TPRG1: variants seen among roughly 807,000 people sequenced by gnomAD.
TPRG1 encodes tumor protein p63-regulated gene 1 protein.
A neutral mutation model predicts 29.3 loss-of-function variants in TPRG1; 29 were observed. The ratio of observed to expected loss-of-function variants is 0.99; its 90% CI spans 0.74 to 1.35. TPRG1 has a LOEUF of 1.35. Among genes scored for constraint, TPRG1 ranks in the 40% most tolerant of loss-of-function variants. The pLI is 0.00. For missense variants in TPRG1, 327 were observed against 335.0 expected (o/e 0.98, Z 0.19); for synonymous variants, 130 against 116.8 (o/e 1.11, Z -0.73).
chr3:189,309,332 T>G (rs1387472033), intron 4 of TPRG1, among the ~76,000 whole-genome samples: 1 of 152,180 alleles, frequency 6.6e-6, no homozygotes, highest in Non-Finnish European at 1.5e-5. Context: ...CCCGAAGGAA[T>G]CCTTCCTTAA....
chr3:189,154,123 G>C (rs1349388849), intron 5 of TPRG1, among the ~76,000 whole-genome samples: 1 of 152,146 alleles, frequency 6.6e-6, no homozygotes, highest in Non-Finnish European at 1.5e-5. Context: ...TTGGATGGAA[G>C]GAAGGCATTG....
At chr3:189,281,460 A>T (rs1717112199) in intron 4 of TPRG1, among the ~76,000 whole-genome samples, 1 of 152,226 alleles carries the variant, frequency 6.6e-6, no homozygotes, top group South Asian at 2.1e-4. Flanking sequence ...AGCAAAACAG[A>T]AAGATGAAAA....
At chr3:189,062,176 T>C (rs1224016484) in intron 4 of TPRG1, among the ~76,000 whole-genome samples, 2 of 152,142 alleles carry the variant, frequency 1.3e-5, no homozygotes, top group Non-Finnish European at 2.9e-5. Flanking sequence ...CTTAGCAAAC[T>C]AATGCAGGAA....
chr3:189,150,006 G>C (rs953983381), intron 4 of TPRG1, among the ~76,000 whole-genome samples: 4 of 152,310 alleles, frequency 2.6e-5, no homozygotes, highest in Admixed American at 2.0e-4. Context: ...ACACTGACCA[G>C]TGTCCTTTGA....
intron 4 of TPRG1, among the ~76,000 whole-genome samples, chr3:189,309,066 C>CTT (rs58250420): frequency 5.5e-5 from 5 of 90,782 alleles, no homozygotes; most frequent in South Asian, 3.0e-4. Context: ...TTCCTATATA[C>CTT]TTTTTTTTTT....
chr3:189,186,983 G>GTT (rs1204112529), intron 1 of TPRG1, among the ~76,000 whole-genome samples: 2 of 90,298 alleles, frequency 2.2e-5, no homozygotes, highest in African/African-American at 5.8e-5. Flanking sequence ...TTCATCTAAA[G>GTT]TGTTTTTTTT....
At chr3:189,047,228 A>G (rs1348902880) in intron 4 of TPRG1, among the ~76,000 whole-genome samples, 1 of 152,168 alleles carries the variant, frequency 6.6e-6, no homozygotes, top group Non-Finnish European at 1.5e-5. Context: ...CTTCCACTCT[A>G]CTGTCTAAAG....
intron 1 of TPRG1, among the ~76,000 whole-genome samples, chr3:189,179,324 C>G (rs777420327): frequency 6.6e-6 from 1 of 152,144 alleles, no homozygotes; most frequent in Admixed American, 6.5e-5. Context: ...GCTTTGCACA[C>G]CATTTGTCAC....
At chr3:189,251,390 T>G (rs1319785912) in intron 4 of TPRG1, among the ~76,000 whole-genome samples, 1 of 152,152 alleles carries the variant, frequency 6.6e-6, no homozygotes, top group East Asian at 1.9e-4. Flanking sequence ...GGGTTGCCCC[T>G]CCACACCTGT....
At chr3:189,255,130 G>C (rs1189427657) in intron 4 of TPRG1, among the ~76,000 whole-genome samples, 1 of 152,160 alleles carries the variant, frequency 6.6e-6, no homozygotes, top group East Asian at 1.9e-4. Context: ...TCCAGCTTTT[G>C]CCCATTCAGT....
chr3:189,222,889 G>T (rs1228650273), intron 3 of TPRG1, among the ~76,000 whole-genome samples: 1 of 152,116 alleles, frequency 6.6e-6, no homozygotes, highest in African/African-American at 2.4e-5. Flanking sequence ...CATTTCCTCT[G>T]TTTTGTATGC....
chr3:189,156,292 T>A (rs1038407298), intron 5 of TPRG1, among the ~76,000 whole-genome samples: 1 of 151,904 alleles, frequency 6.6e-6, no homozygotes, highest in Non-Finnish European at 1.5e-5. Flanking sequence ...AAGAAAAGGT[T>A]TTTCTCTTAG....
chr3:189,304,014 T>C (rs1721242508), intron 4 of TPRG1, among the ~76,000 whole-genome samples: 1 of 152,210 alleles, frequency 6.6e-6, no homozygotes, highest in African/African-American at 2.4e-5. Context: ...CTTCTGCAGG[T>C]TAAGATCACT....
At chr3:189,228,677 T>A (rs1738175114) in intron 3 of TPRG1, among the ~76,000 whole-genome samples, 1 of 152,180 alleles carries the variant, frequency 6.6e-6, no homozygotes, top group Non-Finnish European at 1.5e-5. Context: ...TGTCTAATTG[T>A]TCCCCCCTAA....
At chr3:189,003,033 A>G (rs1404227782) in intron 2 of TPRG1, among the ~76,000 whole-genome samples, 1 of 152,162 alleles carries the variant, frequency 6.6e-6, no homozygotes, top group East Asian at 1.9e-4. Context: ...TCTTCTAAAC[A>G]AAGACTGAAA....
intron 4 of TPRG1, among the ~76,000 whole-genome samples, chr3:189,257,281 T>A (rs1468242913): frequency 6.6e-6 from 1 of 152,218 alleles, no homozygotes; most frequent in Non-Finnish European, 1.5e-5. Context: ...TTTGGCTGGA[T>A]ATGAAATTCT....
intron 1 of TPRG1, among the ~76,000 whole-genome samples, chr3:189,203,340 T>C (rs1183699689): frequency 6.6e-6 from 1 of 152,194 alleles, no homozygotes; most frequent in Non-Finnish European, 1.5e-5. Flanking sequence ...TTGGGATTTT[T>C]TTTTTAATGC....
At chr3:189,104,148 A>G (rs1719528602) in intron 1 of TPRG1, among the ~76,000 whole-genome samples, 1 of 152,152 alleles carries the variant, frequency 6.6e-6, no homozygotes, top group African/African-American at 2.4e-5. Flanking sequence ...CTCCTGGTAG[A>G]TGCCCCCCAA....
At chr3:189,263,496 A>C (rs1489019623) in intron 4 of TPRG1, among the ~76,000 whole-genome samples, 1 of 152,214 alleles carries the variant, frequency 6.6e-6, no homozygotes, top group African/African-American at 2.4e-5. Flanking sequence ...TGGAGGAGCT[A>C]GAATAATTCT....
Sources: gnomAD v4.1 joint callset for allele counts (sites outside exome capture counted in the v4.1 genomes callset) on GRCh38, gnomAD v4.1.1 for gene constraint, MANE v1.5 for transcripts, NCBI Gene and HGNC (gene_info 2026-07-23, HGNC 2026-07-21) for gene names.